Variants in NDUFA9 observed in about 807,000 individuals in gnomAD.
The protein encoded by NDUFA9 is NADH dehydrogenase [ubiquinone] 1 alpha subcomplex subunit 9, mitochondrial.
In NDUFA9, 23 loss-of-function variants were observed where a neutral mutation model predicts 45.9. The ratio of observed to expected loss-of-function variants is 0.50; its 90% CI spans 0.36 to 0.71. NDUFA9 has a LOEUF of 0.71. NDUFA9 is among the 30% of genes least tolerant of loss of function. The probability of loss-of-function intolerance (pLI) is 0.00; values close to 1 mark genes in which losing one functional copy is unlikely to be tolerated. For missense variants in NDUFA9, 466 were observed against 488.2 expected, an observed-to-expected ratio of 0.95 and a Z score of 0.43; for synonymous variants, 176 against 170.5, an observed-to-expected ratio of 1.03 and a Z score of -0.25.
intron 5 of NDUFA9, among the ~76,000 whole-genome samples, chr12:4,661,581 G>C (rs1945823230): frequency 6.6e-6 from 1 of 151,826 alleles, no homozygotes; most frequent in Non-Finnish European, 1.5e-5. Context: ...AAAGGACAAA[G>C]GGACAAGGTA....
chr12:4,653,364 G>A (rs1248136672), intron 1 of NDUFA9: 4 of 233,776 alleles, frequency 1.7e-5, no homozygotes, highest in South Asian at 5.2e-5. Flanking sequence ...GATTCCCCTT[G>A]TGGTAGAACT....
intron 6 of NDUFA9, among the ~76,000 whole-genome samples, chr12:4,663,606 C>T (rs1945836456): frequency 6.6e-6 from 1 of 152,158 alleles, no homozygotes; most frequent in South Asian, 2.1e-4. Flanking sequence ...GAAGAGAGCC[C>T]TTATCAGGAA....
rs1162719586 is a variant in NDUFA9, at chr12:4,694,317, A to G, written c.*7209A>G. On this transcript the variant is annotated 3_prime_UTR_variant, in exon 11 of 11. Transcript: ENST00000266544. ...TTTTTGGCATGTGCTCTTCTTTTGC[A>G]TCTGTTTGAGAGCTGCAATTTTTAC... is the stretch of plus-strand genomic sequence containing the variant. 2 of 152,096 alleles carry G rather than the reference A, an allele frequency of 1.3e-5. No individual in the cohort carries two copies. Among genetic ancestry groups the G allele is most frequent in the African/African-American group, 4.8e-5 (2 of 41,390 alleles). The allele number at this position is 152,096 out of a possible 1,614,324, so 9.4% of individuals were successfully genotyped here. A position where few individuals can be genotyped will look rare whatever the true frequency, so the allele number is the denominator to read the frequency against.
chr12:4,651,762 T>TA (rs1205191992), intron 1 of NDUFA9, among the ~76,000 whole-genome samples: 2 of 152,122 alleles, frequency 1.3e-5, no homozygotes, highest in African/African-American at 2.4e-5. Context: ...TCTTCACTCT[T>TA]ATCATTCCCT....
intron 1 of NDUFA9, among the ~76,000 whole-genome samples, chr12:4,650,647 T>C (rs1945753458): frequency 6.6e-6 from 1 of 152,166 alleles, no homozygotes; most frequent in Non-Finnish European, 1.5e-5. Context: ...TATAGTTAAG[T>C]GTGGCAAGAC....
rs961034398 is a variant in NDUFA9, at chr12:4,687,261, C to T, written c.*153C>T. On this transcript the variant is annotated 3_prime_UTR_variant, in exon 11 of 11. Coordinates refer to ENST00000266544, the MANE Select transcript of NDUFA9 (RefSeq NM_005002.5). ...CTGCAGTATTTTCTTCCTTGATTTA[C>T]AAAATGAGAAATGTAGTCACTTAGA... The T allele has an allele frequency of 6.7e-5, 46 of 691,046 alleles. No homozygotes were observed. The highest frequency in any genetic ancestry group is 8.5e-5 in the Non-Finnish European group (38 of 444,472). The allele number at this position is 691,046 out of a possible 1,614,324, so 42.8% of individuals were successfully genotyped here.
intron 5 of NDUFA9, among the ~76,000 whole-genome samples, chr12:4,661,245 T>C (rs938190385): frequency 3.3e-5 from 5 of 152,206 alleles, no homozygotes; most frequent in Non-Finnish European, 5.9e-5. Flanking sequence ...AGGTGGTTTT[T>C]CCTCTACTGT....
At chr12:4,681,414 G>A (rs116408719) in intron 8 of NDUFA9, among the ~76,000 whole-genome samples, 1,539 of 150,638 alleles carry the variant, frequency 0.01, 27 homozygotes, top group African/African-American at 0.036. Flanking sequence ...AGAAAAGATA[G>A]ATGTATAAAT....
At chr12:4,655,144 A>G (rs1273058530) in intron 3 of NDUFA9, 1 of 477,356 alleles carries the variant, frequency 2.1e-6, no homozygotes, top group Non-Finnish European at 3.7e-6. Context: ...CAGAGAGTAA[A>G]TACTTCTGGC....
At chr12:4,682,958 G>A (rs916643570) in intron 9 of NDUFA9, among the ~76,000 whole-genome samples, 2 of 152,138 alleles carry the variant, frequency 1.3e-5, no homozygotes, top group Admixed American at 6.5e-5. Context: ...CCCACCTACT[G>A]GGGTGGAGGT....
chr12:4,652,030 C>G (rs555279192), intron 1 of NDUFA9, among the ~76,000 whole-genome samples: 1 of 152,126 alleles, frequency 6.6e-6, no homozygotes, highest in Non-Finnish European at 1.5e-5. Context: ...TTCCTAAAAC[C>G]TCTAACATGT....
rs3210084 is a variant in NDUFA9 at position 4,687,086 on chromosome 12, C to T, written c.1112C>T (p.Pro371Leu). The change falls in exon 11 of 11, where the codon CCG (proline) becomes CTG (leucine). Residue 371 changes from proline (P) to leucine (L), a missense_variant. Physicochemically the swap from Pro to Leu is moderately conservative, Grantham distance 98. Transcript: ENST00000266544. ...WLSAEIEDVK[P>L]AKTVNI is the part of the protein sequence containing the mutation. ...TCTGCTGAAATTGAGGATGTGAAGC[C>T]GGCCAAGACCGTCAACATTTAGTGC... The T allele has an allele frequency of 5.0e-6, 8 of 1,614,090 alleles. No homozygotes were observed. The Admixed American group carries it at 5.0e-5, about 10-fold the overall frequency.
intron 6 of NDUFA9, among the ~76,000 whole-genome samples, chr12:4,666,683 A>G (rs1418364748): frequency 1.3e-5 from 2 of 152,218 alleles, no homozygotes; most frequent in Non-Finnish European, 2.9e-5. Context: ...TTGACCATAT[A>G]TGCAAGAGTT....
chr12:4,678,692 A>G (rs1945935267), intron 8 of NDUFA9, among the ~76,000 whole-genome samples: 1 of 152,192 alleles, frequency 6.6e-6, no homozygotes, highest in Admixed American at 6.5e-5. Context: ...AAACATATGA[A>G]AAGATGCTCC....
chr12:4,679,472 A>T (rs75235965), intron 8 of NDUFA9, among the ~76,000 whole-genome samples: 361 of 152,354 alleles, frequency 2.4e-3, no homozygotes, highest in African/African-American at 8.3e-3. Context: ...GATGAGATGC[A>T]TAAGTAATAA....
chr12:4,674,181 A>T (rs1945904602), intron 8 of NDUFA9, among the ~76,000 whole-genome samples: 1 of 152,218 alleles, frequency 6.6e-6, no homozygotes. Flanking sequence ...CTAAACATGG[A>T]AAGGATCAAC....
intron 8 of NDUFA9, among the ~76,000 whole-genome samples, chr12:4,677,901 A>G (rs965718611): frequency 3.3e-5 from 5 of 152,240 alleles, no homozygotes; most frequent in South Asian, 2.1e-4. Context: ...ATGCCCATCA[A>G]TGATAGACTG....
intron 8 of NDUFA9, among the ~76,000 whole-genome samples, chr12:4,673,938 A>G (rs1383192781): frequency 6.6e-6 from 1 of 152,254 alleles, no homozygotes; most frequent in Non-Finnish European, 1.5e-5. Flanking sequence ...GTTACCCACA[A>G]AGGGAAGCCC....
intron 8 of NDUFA9, among the ~76,000 whole-genome samples, chr12:4,677,801 G>A (rs1008729777): frequency 1.2e-4 from 19 of 152,078 alleles, no homozygotes; most frequent in Admixed American, 5.9e-4. Context: ...TATACCCAAA[G>A]GATTATAAAT....
Sources: allele counts gnomAD v4.1 joint callset (sites outside exome capture counted in the v4.1 genomes callset), GRCh38; gene constraint gnomAD v4.1.1; transcripts MANE v1.5; gene names NCBI Gene and HGNC (gene_info 2026-07-23, HGNC 2026-07-21).